ARB2A: variants seen among roughly 807,000 people sequenced by gnomAD.
ARB2A encodes ARB2 cotranscriptional regulator A.
chr5:93,837,865 G>A, the ARB2A span, among the ~76,000 whole-genome samples: 1 of 151,802 alleles, frequency 6.6e-6, no homozygotes, highest in Non-Finnish European at 1.5e-5. Flanking sequence ...TTTGTTTTTT[G>A]CTTATAAATT....
the ARB2A span, among the ~76,000 whole-genome samples, chr5:93,677,626 C>G: frequency 1.3e-5 from 2 of 152,158 alleles, no homozygotes; most frequent in African/African-American, 2.4e-5. Flanking sequence ...CTAGCCTGGA[C>G]AAAACTGGGC....
chr5:93,766,502 C>G, the ARB2A span, among the ~76,000 whole-genome samples: 4 of 152,104 alleles, frequency 2.6e-5, no homozygotes, highest in Non-Finnish European at 4.4e-5. Flanking sequence ...CCATCTTACA[C>G]CAGTTAGAAT....
chr5:93,719,397 C>T, the ARB2A span, among the ~76,000 whole-genome samples: 3 of 152,128 alleles, frequency 2.0e-5, no homozygotes, highest in South Asian at 2.1e-4. Flanking sequence ...GATCCAGAGA[C>T]GTTCAACTGG....
the ARB2A span, among the ~76,000 whole-genome samples, chr5:93,693,552 G>C: frequency 7.4e-6 from 1 of 135,242 alleles, no homozygotes; most frequent in Non-Finnish European, 1.6e-5. Context: ...TGAAATTGAG[G>C]CAGTAATTAA....
At chr5:93,762,923 A>G in the ARB2A span, among the ~76,000 whole-genome samples, 1 of 152,248 alleles carries the variant, frequency 6.6e-6, no homozygotes. Context: ...AAGAATTTTC[A>G]ACCCAGAATT....
chr5:93,892,206 C>A, the ARB2A span, among the ~76,000 whole-genome samples: 2 of 152,110 alleles, frequency 1.3e-5, no homozygotes, highest in African/African-American at 2.4e-5. Context: ...CTCTTAGCTG[C>A]AATAAGCTAG....
the ARB2A span, among the ~76,000 whole-genome samples, chr5:93,697,200 T>C: frequency 6.6e-6 from 1 of 151,978 alleles, no homozygotes; most frequent in Non-Finnish European, 1.5e-5. Context: ...TCTTCTCAAA[T>C]CTTTTTTTTA....
the ARB2A span, among the ~76,000 whole-genome samples, chr5:93,914,385 G>C: frequency 6.6e-6 from 1 of 151,920 alleles, no homozygotes; most frequent in Non-Finnish European, 1.5e-5. Flanking sequence ...GTGTCAGTGA[G>C]AATTAATATT....
At chr5:93,994,977 C>A in the ARB2A span, among the ~76,000 whole-genome samples, 1 of 151,768 alleles carries the variant, frequency 6.6e-6, no homozygotes, top group Non-Finnish European at 1.5e-5. Context: ...AGATACTAGT[C>A]TATTTTTATC....
At chr5:94,000,196 T>C in the ARB2A span, among the ~76,000 whole-genome samples, 2 of 152,248 alleles carry the variant, frequency 1.3e-5, no homozygotes, top group South Asian at 2.1e-4. Context: ...GTGCGATTGC[T>C]AGATTGTATG....
At chr5:93,683,467 C>G in the ARB2A span, 1 of 1,595,574 alleles carries the variant, frequency 6.3e-7, no homozygotes, top group Non-Finnish European at 8.5e-7. Flanking sequence ...AAACTGTTGG[C>G]TGTACAGACA....
chr5:94,066,884 C>T, the ARB2A span, among the ~76,000 whole-genome samples: 12 of 151,784 alleles, frequency 7.9e-5, no homozygotes, highest in East Asian at 3.9e-4. Flanking sequence ...AAGATTGCAA[C>T]AAAAAAAGAA....
At chr5:93,989,423 G>A in the ARB2A span, among the ~76,000 whole-genome samples, 1 of 151,980 alleles carries the variant, frequency 6.6e-6, no homozygotes, top group Non-Finnish European at 1.5e-5. Context: ...AAGAAATTTA[G>A]GTTAGAGGTT....
the ARB2A span, chr5:93,806,032 C>G: frequency 1.3e-6 from 1 of 797,940 alleles, no homozygotes; most frequent in Non-Finnish European, 1.5e-6. Context: ...CATTCAGATA[C>G]GCAAATTTAA....
At chr5:93,820,762 CT>C in the ARB2A span, among the ~76,000 whole-genome samples, 1 of 152,026 alleles carries the variant, frequency 6.6e-6, no homozygotes, top group Non-Finnish European at 1.5e-5. Context: ...TGAAACAGTT[CT>C]TTCCTTTTGT....
the ARB2A span, among the ~76,000 whole-genome samples, chr5:93,744,434 CAAAAAAAAAAAAAAA>C: frequency 2.1e-4 from 3 of 14,534 alleles, no homozygotes; most frequent in East Asian, 2.6e-3. Flanking sequence ...GACTCAGTCT[CAAAAAAAAAAAAAAA>C]AAAAAAAAAA....
the ARB2A span, among the ~76,000 whole-genome samples, chr5:93,789,830 G>C: frequency 6.6e-6 from 1 of 152,262 alleles, no homozygotes; most frequent in Non-Finnish European, 1.5e-5. Context: ...CATCTTTGGT[G>C]TAACACTAAA....
the ARB2A span, among the ~76,000 whole-genome samples, chr5:93,869,939 C>A: frequency 6.6e-6 from 1 of 152,226 alleles, no homozygotes; most frequent in African/African-American, 2.4e-5. Flanking sequence ...GTGAAATAAA[C>A]AGCCTTGTTG....
the ARB2A span, among the ~76,000 whole-genome samples, chr5:94,028,469 G>GA: frequency 2.0e-5 from 3 of 151,908 alleles, no homozygotes; most frequent in Non-Finnish European, 4.4e-5. Context: ...TGTTACCCCA[G>GA]AAAAAAAGTA....
Sources: allele counts gnomAD v4.1 joint callset (sites outside exome capture counted in the v4.1 genomes callset), GRCh38; gene constraint gnomAD v4.1.1; transcripts MANE v1.5; gene names NCBI Gene and HGNC (gene_info 2026-07-23, HGNC 2026-07-21).